CFAP299: variants seen among roughly 807,000 people sequenced by gnomAD.
The protein encoded by CFAP299 is cilia and flagella associated protein 299.
A neutral mutation model predicts 27.0 loss-of-function variants in CFAP299; 21 were observed. That is an observed-to-expected ratio of 0.78 (90% confidence interval 0.55 to 1.12). CFAP299 has a LOEUF of 1.12. CFAP299 is among the 50% of genes most tolerant of loss of function. The pLI is 0.00. For missense variants in CFAP299, 310 were observed against 276.6 expected (o/e 1.12, Z -0.86); for synonymous variants, 104 against 98.1 (o/e 1.06, Z -0.36).
chr4:80,589,790 G>T (rs1039368050), intron 3 of CFAP299, among the ~76,000 whole-genome samples: 1 of 152,176 alleles, frequency 6.6e-6, no homozygotes, highest in Non-Finnish European at 1.5e-5. Flanking sequence ...AAAGAGACCA[G>T]TTACTTCAAA....
chr4:80,818,114 G>T (rs1285480338), intron 3 of CFAP299, among the ~76,000 whole-genome samples: 15 of 152,022 alleles, frequency 9.9e-5, no homozygotes, highest in Non-Finnish European at 1.5e-5. Context: ...TTGGTTTTCT[G>T]TTCCTGCCTT....
chr4:80,869,674 C>T (rs1007827515), intron 3 of CFAP299, among the ~76,000 whole-genome samples: 1 of 152,018 alleles, frequency 6.6e-6, no homozygotes, highest in Admixed American at 6.6e-5. Flanking sequence ...CCACCACGCC[C>T]GGCTAATTTT....
chr4:80,543,567 A>G (rs1290561442), intron 2 of CFAP299, among the ~76,000 whole-genome samples: 3 of 152,264 alleles, frequency 2.0e-5, no homozygotes, highest in Non-Finnish European at 2.9e-5. Flanking sequence ...AATAGGAAGC[A>G]TCAACAACCA....
At chr4:80,800,890 G>T (rs938057059) in intron 3 of CFAP299, among the ~76,000 whole-genome samples, 1 of 149,602 alleles carries the variant, frequency 6.7e-6, no homozygotes, top group Non-Finnish European at 1.5e-5. Context: ...ACCAGTCTGA[G>T]TCCCAAAACT....
intron 3 of CFAP299, among the ~76,000 whole-genome samples, chr4:80,663,946 T>G (rs1741003644): frequency 6.6e-6 from 1 of 152,206 alleles, no homozygotes. Context: ...TTGAGAAGTG[T>G]CTGTTCATAC....
At chr4:80,576,827 TA>T (rs1735889941) in intron 2 of CFAP299, among the ~76,000 whole-genome samples, 1 of 152,218 alleles carries the variant, frequency 6.6e-6, no homozygotes, top group African/African-American at 2.4e-5. Flanking sequence ...GTAAATTCTC[TA>T]AATGTGAAAT....
At chr4:80,423,157 A>G (rs1039200939) in intron 2 of CFAP299, among the ~76,000 whole-genome samples, 4 of 152,262 alleles carry the variant, frequency 2.6e-5, no homozygotes, top group African/African-American at 9.6e-5. Context: ...TGTGGTTGAC[A>G]AGAACCTTGT....
At chr4:80,479,666 C>T (rs1730457124) in intron 2 of CFAP299, among the ~76,000 whole-genome samples, 1 of 151,830 alleles carries the variant, frequency 6.6e-6, no homozygotes, top group Admixed American at 6.6e-5. Context: ...TAATAAAGAA[C>T]ATTGTGAAAA....
chr4:80,851,587 C>CTGA (rs894410194), intron 3 of CFAP299, among the ~76,000 whole-genome samples: 1 of 152,052 alleles, frequency 6.6e-6, no homozygotes, highest in Admixed American at 6.6e-5. Context: ...TTGGGCAACC[C>CTGA]TGACCCATGA....
intron 4 of CFAP299, among the ~76,000 whole-genome samples, chr4:80,927,135 G>A (rs1218786456): frequency 6.6e-6 from 1 of 152,046 alleles, no homozygotes; most frequent in African/African-American, 2.4e-5. Flanking sequence ...AGGCTATGAA[G>A]CTTTTAGTTT....
intron 3 of CFAP299, among the ~76,000 whole-genome samples, chr4:80,593,800 C>A (rs1578647118): frequency 6.6e-6 from 1 of 152,092 alleles, no homozygotes; most frequent in East Asian, 1.9e-4. Context: ...CAATTTGAGA[C>A]TTTTCTTCTC....
chr4:80,364,058 G>T (rs1405387772), intron 2 of CFAP299, among the ~76,000 whole-genome samples: 1 of 84,074 alleles, frequency 1.2e-5, no homozygotes, highest in East Asian at 4.1e-4. Flanking sequence ...CTGCACTCCA[G>T]CCTGGGCAAC....
intron 2 of CFAP299, among the ~76,000 whole-genome samples, chr4:80,492,507 G>A (rs1438114584): frequency 6.6e-6 from 1 of 151,996 alleles, no homozygotes; most frequent in East Asian, 1.9e-4. Flanking sequence ...GAGTTTAAAA[G>A]CAGAGTTTTT....
chr4:80,522,002 T>C (rs769408335), intron 2 of CFAP299, among the ~76,000 whole-genome samples: 6 of 152,034 alleles, frequency 3.9e-5, no homozygotes, highest in Non-Finnish European at 7.4e-5. Context: ...TGTTGCATCA[T>C]ATGATAGTTC....
chr4:80,387,698 A>G, intron 2 of CFAP299: 1 of 1,578,044 alleles, frequency 6.3e-7, no homozygotes, highest in Non-Finnish European at 8.7e-7. Flanking sequence ...GCATGGCCAC[A>G]TGCAATGCAT....
intron 2 of CFAP299, among the ~76,000 whole-genome samples, chr4:80,424,799 C>T (rs545485787): frequency 6.6e-6 from 1 of 152,246 alleles, no homozygotes; most frequent in East Asian, 1.9e-4. Context: ...ATTTAAGAAC[C>T]TCTTCTCTAC....
At chr4:80,766,787 A>G (rs957320028) in intron 3 of CFAP299, among the ~76,000 whole-genome samples, 1 of 152,242 alleles carries the variant, frequency 6.6e-6, no homozygotes, top group Non-Finnish European at 1.5e-5. Flanking sequence ...AAATTTTGCC[A>G]GATCTCATCA....
chr4:80,888,461 A>G (rs1734080465), intron 4 of CFAP299, among the ~76,000 whole-genome samples: 1 of 151,918 alleles, frequency 6.6e-6, no homozygotes, highest in African/African-American at 2.4e-5. Flanking sequence ...TGCACCCATC[A>G]CCAGATATAT....
chr4:80,575,344 G>C (rs1474633856), intron 2 of CFAP299, among the ~76,000 whole-genome samples: 2 of 123,442 alleles, frequency 1.6e-5, no homozygotes, highest in Non-Finnish European at 3.3e-5. Context: ...TTTTTTTTTT[G>C]AGAACAGATC....
Sources: allele counts gnomAD v4.1 joint callset (sites outside exome capture counted in the v4.1 genomes callset), GRCh38; gene constraint gnomAD v4.1.1; transcripts MANE v1.5; gene names NCBI Gene and HGNC (gene_info 2026-07-23, HGNC 2026-07-21).